ARFGAP3: variants seen among roughly 807,000 people sequenced by gnomAD.
The protein encoded by ARFGAP3 is ARF GTPase activating protein 3, also known as ADP-ribosylation factor GTPase-activating protein 3.
A neutral mutation model predicts 75.0 loss-of-function variants in ARFGAP3; 72 were observed. The observed-to-expected ratio is 0.96, with a 90% CI of 0.79 to 1.17. ARFGAP3 has a LOEUF of 1.17. Ranked by LOEUF, ARFGAP3 falls within the 50% of genes most tolerant of loss-of-function variation. The pLI, the probability that ARFGAP3 is intolerant of heterozygous loss-of-function variation, is 0.00. For missense variants in ARFGAP3, 620 were observed against 626.6 expected (o/e 0.99, Z 0.11); for synonymous variants, 221 against 217.9 (o/e 1.01, Z -0.13).
intron 14 of ARFGAP3, among the ~76,000 whole-genome samples, chr22:42,805,944 C>A (rs746930960): frequency 6.6e-6 from 1 of 152,232 alleles, no homozygotes; most frequent in Non-Finnish European, 1.5e-5. Flanking sequence ...GCAGTGCCCA[C>A]TGCACCCCGA....
chr22:42,821,352 A>G (rs1001384271), intron 9 of ARFGAP3, among the ~76,000 whole-genome samples: 3 of 152,248 alleles, frequency 2.0e-5, no homozygotes, highest in African/African-American at 7.2e-5. Context: ...GCAGTCCAAA[A>G]AGCAGGCCTG....
chr22:42,855,858 AAAAT>A (rs1282494339), intron 1 of ARFGAP3, among the ~76,000 whole-genome samples: 1 of 130,580 alleles, frequency 7.7e-6, no homozygotes, highest in African/African-American at 2.7e-5. Flanking sequence ...TGTCTCTACA[AAAAT>A]TAATTAATTA....
At chr22:42,826,846 CA>C (rs1926061295) in intron 7 of ARFGAP3, 93 bp downstream of exon 7, 1 of 954,362 alleles carries the variant, frequency 1.0e-6, no homozygotes, top group Admixed American at 2.4e-5. Context: ...ATTACTCCGT[CA>C]GGTGAGATGC....
At chr22:42,840,485 C>T (rs1362827625) in intron 3 of ARFGAP3, among the ~76,000 whole-genome samples, 2 of 151,066 alleles carry the variant, frequency 1.3e-5, no homozygotes, top group Non-Finnish European at 3.0e-5. Context: ...GGTGTGATCT[C>T]GGCTCACTGC....
intron 5 of ARFGAP3, among the ~76,000 whole-genome samples, chr22:42,833,584 C>T (rs1333763652): frequency 2.6e-5 from 4 of 152,176 alleles, no homozygotes; most frequent in Admixed American, 6.5e-5. Context: ...GGTGAAACCT[C>T]GTCTCTACTA....
At chr22:42,811,768 G>A (rs940802670) in intron 11 of ARFGAP3, among the ~76,000 whole-genome samples, 13 of 152,220 alleles carry the variant, frequency 8.5e-5, no homozygotes, top group African/African-American at 3.1e-4. Context: ...AGCACTCAGT[G>A]TTGGCTTTTG....
intron 14 of ARFGAP3, among the ~76,000 whole-genome samples, chr22:42,799,566 G>GT (rs1390128192): frequency 6.6e-5 from 10 of 152,192 alleles, no homozygotes; most frequent in Non-Finnish European, 1.5e-5. Context: ...CCCTCTTTTG[G>GT]TAACAGTACT....
At chr22:42,836,204 T>C (rs938377206) in intron 3 of ARFGAP3, among the ~76,000 whole-genome samples, 11 of 152,118 alleles carry the variant, frequency 7.2e-5, no homozygotes, top group African/African-American at 2.7e-4. Context: ...CTTGAACTCC[T>C]GAGCTCAAGG....
At chr22:42,820,696 T>C (rs1337857624) in intron 9 of ARFGAP3, among the ~76,000 whole-genome samples, 2 of 152,088 alleles carry the variant, frequency 1.3e-5, no homozygotes, top group Admixed American at 1.3e-4. Context: ...ACATAAAAAA[T>C]AGGGATCCAG....
chr22:42,801,812 C>T (rs962884261), intron 14 of ARFGAP3, among the ~76,000 whole-genome samples: 7 of 152,254 alleles, frequency 4.6e-5, no homozygotes, highest in East Asian at 1.9e-4. Context: ...AGACGGTCTT[C>T]GCATGGTCTT....
chr22:42,834,151 G>T, intron 5 of ARFGAP3, 91 bp downstream of exon 5: 1 of 1,196,494 alleles, frequency 8.4e-7, no homozygotes, highest in Non-Finnish European at 1.2e-6. Flanking sequence ...TGTTACAAGA[G>T]CTTAGCCTAC....
At chr22:42,801,214 C>T (rs1246941303) in intron 14 of ARFGAP3, among the ~76,000 whole-genome samples, 1 of 152,154 alleles carries the variant, frequency 6.6e-6, no homozygotes, top group African/African-American at 2.4e-5. Flanking sequence ...CACTGACTGA[C>T]TGGCCTAGGC....
chr22:42,832,600 G>A (rs994091062), intron 5 of ARFGAP3, among the ~76,000 whole-genome samples: 22 of 151,904 alleles, frequency 1.4e-4, no homozygotes, highest in Non-Finnish European at 3.2e-4. Flanking sequence ...TCAACAAATC[G>A]TGCTCCTTAC....
chr22:42,847,436 AAAG>A, intron 2 of ARFGAP3, 75 bp downstream of exon 2: 1 of 1,325,406 alleles, frequency 7.5e-7, no homozygotes, highest in South Asian at 1.2e-5. Flanking sequence ...TGTCTCAAAA[AAAG>A]AAAAGAAAAA....
At chr22:42,829,000 G>A (rs945754557) in intron 6 of ARFGAP3, among the ~76,000 whole-genome samples, 1 of 152,088 alleles carries the variant, frequency 6.6e-6, no homozygotes, top group Non-Finnish European at 1.5e-5. Flanking sequence ...GCCCTTTTAT[G>A]CTAATAAATT....
chr22:42,802,335 GAGTGT>G (rs1924902323), intron 14 of ARFGAP3, among the ~76,000 whole-genome samples: 3 of 151,928 alleles, frequency 2.0e-5, no homozygotes, highest in Non-Finnish European at 4.4e-5. Flanking sequence ...ACCCAGACTG[GAGTGT>G]AGTGGCGCGA....
chr22:42,799,953 G>A (rs1019024955), intron 14 of ARFGAP3, among the ~76,000 whole-genome samples: 1 of 152,196 alleles, frequency 6.6e-6, no homozygotes, highest in Non-Finnish European at 1.5e-5. Flanking sequence ...AGTTTTGTTA[G>A]TTGTTAGTTT....
rs182448444 is a variant in ARFGAP3 at position 42,801,462 on chromosome 22, C to T, written c.1412-2302G>A. 4.7e-3 allele frequency among the ~76,000 whole-genome samples: 719 copies of T among 152,332 alleles called. 4 individuals carry two copies. Among genetic ancestry groups the T allele is most frequent in the African/African-American group, 0.017 (701 of 41,576 alleles). ...GGCAGGGGGTTCTGTGCATCACAGT[C>T]ACTTGCGGTCCAAGCCCATGGGGCC... On this transcript the variant is annotated intron_variant, in intron 14 of 15. Coordinates refer to ENST00000263245, the MANE Select transcript of ARFGAP3 (RefSeq NM_014570.5).
intron 2 of ARFGAP3, among the ~76,000 whole-genome samples, chr22:42,841,459 C>T (rs1156430869): frequency 1.3e-5 from 2 of 152,180 alleles, no homozygotes; most frequent in African/African-American, 4.8e-5. Context: ...TACCCAACAT[C>T]ACGACCAGCA....
Sources: allele counts gnomAD v4.1 joint callset (sites outside exome capture counted in the v4.1 genomes callset), GRCh38; gene constraint gnomAD v4.1.1; transcripts MANE v1.5; gene names NCBI Gene and HGNC (gene_info 2026-07-23, HGNC 2026-07-21).